Variants in ACBD3 observed in about 807,000 individuals in gnomAD.
ACBD3 encodes the protein acyl-CoA binding domain containing 3.
A neutral mutation model predicts 66.9 loss-of-function variants in ACBD3; 30 were observed. The ratio of observed to expected loss-of-function variants is 0.45; its 90% CI spans 0.34 to 0.61. ACBD3 has a LOEUF of 0.61. Among genes scored for constraint, ACBD3 ranks in the 20% least tolerant of loss-of-function variants. The pLI is 0.02. For synonymous variants in ACBD3, 278 were observed against 259.8 expected (o/e 1.07, Z -0.68); for missense variants, 544 against 664.5 (o/e 0.82, Z 1.99).
chr1:226,182,367 A>G (rs1656190837), intron 1 of ACBD3, among the ~76,000 whole-genome samples: 1 of 152,190 alleles, frequency 6.6e-6, no homozygotes, highest in Admixed American at 6.5e-5. Context: ...CTGTAATCCC[A>G]GCGCTTTGGA....
At chr1:226,159,410 G>A in intron 4 of ACBD3, 52 bp from the exon 5 acceptor site, 2 of 1,561,640 alleles carry the variant, frequency 1.3e-6, no homozygotes, top group Non-Finnish European at 1.7e-6. Flanking sequence ...GATTGTTCAT[G>A]ACAAAATAAA....
intron 1 of ACBD3, among the ~76,000 whole-genome samples, chr1:226,181,188 T>C (rs1656163769): frequency 6.6e-6 from 1 of 152,074 alleles, no homozygotes; most frequent in Admixed American, 6.6e-5. Context: ...AAGGTAAAGA[T>C]AATAAAAGGG....
At chr1:226,155,541 C>T (rs1349259433) in intron 5 of ACBD3, among the ~76,000 whole-genome samples, 1 of 151,276 alleles carries the variant, frequency 6.6e-6, no homozygotes, top group African/African-American at 2.4e-5. Context: ...TTTAAATACA[C>T]AAAATTTGAA....
chr1:226,185,767 C>T (rs1462348011), intron 1 of ACBD3, among the ~76,000 whole-genome samples: 1 of 152,180 alleles, frequency 6.6e-6, no homozygotes, highest in Non-Finnish European at 1.5e-5. Flanking sequence ...ATTTTAACCA[C>T]CTAGAAGTTA....
intron 1 of ACBD3, among the ~76,000 whole-genome samples, chr1:226,177,166 T>TC (rs1491037972): frequency 5.3e-5 from 1 of 18,964 alleles, no homozygotes; most frequent in East Asian, 1.4e-3. Flanking sequence ...ATGTAGCTGT[T>TC]TTTTTTTTTT....
chr1:226,164,687 G>T, intron 3 of ACBD3, 102 bp downstream of exon 3: 1 of 1,301,302 alleles, frequency 7.7e-7, no homozygotes, highest in Non-Finnish European at 1.0e-6. Context: ...TCCAAGGAAA[G>T]CAAGACACCT....
intron 3 of ACBD3, among the ~76,000 whole-genome samples, chr1:226,162,739 A>C (rs891575343): frequency 6.6e-6 from 1 of 152,008 alleles, no homozygotes; most frequent in African/African-American, 2.4e-5. Context: ...AACTCCTATA[A>C]GTGATTAACA....
At chr1:226,164,748 G>A in intron 3 of ACBD3, 41 bp downstream of exon 3, 3 of 1,585,856 alleles carry the variant, frequency 1.9e-6, no homozygotes, top group Non-Finnish European at 2.6e-6. Context: ...CAGTACACTG[G>A]GCTGCGCAGC....
intron 5 of ACBD3, among the ~76,000 whole-genome samples, chr1:226,157,495 T>A (rs1006000103): frequency 5.9e-5 from 9 of 152,100 alleles, no homozygotes; most frequent in African/African-American, 2.2e-4. Context: ...CACCTCAGCC[T>A]CCCAAAGTGC....
At chr1:226,182,298 T>C (rs1041663526) in intron 1 of ACBD3, among the ~76,000 whole-genome samples, 10 of 151,992 alleles carry the variant, frequency 6.6e-5, no homozygotes, top group African/African-American at 1.2e-4. Flanking sequence ...CATCTTCTAA[T>C]TTACTGACAA....
intron 7 of ACBD3, 94 bp downstream of exon 7, chr1:226,152,241 G>C (rs1576229606): frequency 1.3e-6 from 2 of 1,484,502 alleles, no homozygotes. Flanking sequence ...TGAAGTGTTA[G>C]TCAGGAAGCA....
chr1:226,146,904 T>C (rs41303309), intron 7 of ACBD3, 83 bp from the exon 8 acceptor site: 165,162 of 1,368,062 alleles, frequency 0.12, 11,041 homozygotes, highest in Middle Eastern at 0.19. Context: ...CTTTCTTTTT[T>C]TTCTGGAGAC....
In ACBD3 at chr1:226,152,356, C is replaced by T. The variant is rs546065485; in HGVS notation, c.1354G>A (p.Asp452Asn). The T allele has an allele frequency of 3.7e-6, 6 of 1,614,182 alleles. No homozygotes were observed. The highest frequency in any genetic ancestry group is 3.3e-5 in the South Asian group (3 of 91,084). ...CTACCTTCTTCCTCCTCGTCGTCAT[C>T]GCTGGACTCACTGACATGCACGCTG... ...AVSVHVSESS[D>N]DDEEEEENIG... Residue 452 changes from aspartate (D) to asparagine (N), a missense_variant, in exon 7 of 8, where the codon GAT becomes AAT. Coordinates refer to ENST00000366812, the MANE Select transcript of ACBD3 (RefSeq NM_022735.4).
chr1:226,166,247 C>T (rs544282914), intron 1 of ACBD3, among the ~76,000 whole-genome samples: 5 of 151,980 alleles, frequency 3.3e-5, no homozygotes, highest in South Asian at 2.1e-4. Context: ...CCTTGACCTC[C>T]GGGACTCAAA....
At chr1:226,164,340 T>C (rs1232858672) in intron 3 of ACBD3, among the ~76,000 whole-genome samples, 2 of 151,976 alleles carry the variant, frequency 1.3e-5, no homozygotes, top group African/African-American at 2.4e-5. Context: ...TTGAAAATAA[T>C]CAATAAGCCA....
rs748746667 is a variant in ACBD3, at chr1:226,161,667, G to A, written c.592C>T (p.Arg198Trp). The A allele has an allele frequency of 1.9e-4, 302 of 1,601,752 alleles. No individual in the cohort carries two copies. The highest frequency in any genetic ancestry group is 2.3e-4 in the Non-Finnish European group (275 of 1,174,164). ...KKRKEEEERR[R>W]REEEERERLQ... ...CGTTCTCTTTCTTCCTCTTCACGCC[G>A]CCTTCGCTCCTCTTCCTCCTTCCTA... is the stretch of plus-strand genomic sequence containing the variant. The change falls in exon 4 of 8, where the codon CGG becomes TGG. Residue 198 changes from arginine to tryptophan, a missense_variant. This residue lies in a region of ACBD3 where 383 missense variants were observed against 462.4 expected (regional missense o/e 0.83). Transcript: ENST00000366812.
chr1:226,155,927 CT>C (rs1395462624), intron 5 of ACBD3, among the ~76,000 whole-genome samples: 4 of 152,130 alleles, frequency 2.6e-5, no homozygotes, highest in African/African-American at 9.7e-5. Context: ...GTAAAAACAT[CT>C]TAAATCCAAA....
At chr1:226,177,302 A>G (rs1269149793) in intron 1 of ACBD3, among the ~76,000 whole-genome samples, 1 of 149,928 alleles carries the variant, frequency 6.7e-6, no homozygotes, top group Non-Finnish European at 1.5e-5. Context: ...GGTTTACGCC[A>G]TTCTCCTGCC....
In ACBD3 at chr1:226,166,113, C is replaced by A. The variant is rs188198791; in HGVS notation, c.287-113G>T. On this transcript the variant is annotated intron_variant, in intron 1 of 7. Coordinates refer to ENST00000366812, the MANE Select transcript of ACBD3 (RefSeq NM_022735.4). ...CATGTCACAAACTGCCTGTAATAGA[C>A]ACAAACACTAATAGTGAAATTTTTA... The A allele has an allele frequency of 4.2e-6, 5 of 1,177,196 alleles. No homozygotes were observed. In the East Asian group the frequency reaches 1.4e-4, roughly 32 times the overall value. The allele number at this position is 1,177,196 out of a possible 1,614,324, so 72.9% of individuals were successfully genotyped here.
Sources: gnomAD v4.1 joint callset for allele counts (sites outside exome capture counted in the v4.1 genomes callset) on GRCh38, gnomAD v4.1.1 for gene constraint, gnomAD v4.1.1 regional missense constraint, MANE v1.5 for transcripts, NCBI Gene and HGNC (gene_info 2026-07-23, HGNC 2026-07-21) for gene names.